Variants in TMEM132D observed in about 807,000 individuals in gnomAD.
The protein encoded by TMEM132D is mature OL transmembrane protein.
A neutral mutation model predicts 62.3 loss-of-function variants in TMEM132D; 21 were observed. That is an observed-to-expected ratio of 0.34 (90% CI 0.24 to 0.49). The LOEUF is 0.49. TMEM132D is among the 20% of genes least tolerant of loss of function. The pLI is 0.99. For synonymous variants in TMEM132D, 621 were observed against 575.6 expected (o/e 1.08, Z -1.13); for missense variants, 1,346 against 1,402.8 (o/e 0.96, Z 0.65).
At chr12:129,089,981 A>G (rs1236911811) in intron 5 of TMEM132D, among the ~76,000 whole-genome samples, 1 of 152,218 alleles carries the variant, frequency 6.6e-6, no homozygotes. Flanking sequence ...TGTGAGGAAA[A>G]GCACAGCAGA....
At chr12:129,817,600 T>C (rs1177346854) in intron 1 of TMEM132D, among the ~76,000 whole-genome samples, 2 of 149,854 alleles carry the variant, frequency 1.3e-5, no homozygotes, top group African/African-American at 4.9e-5. Context: ...ATGGTGTGTG[T>C]GTGTGTGTGT....
At chr12:129,444,300 A>G (rs1267602664) in intron 3 of TMEM132D, among the ~76,000 whole-genome samples, 1 of 152,232 alleles carries the variant, frequency 6.6e-6, no homozygotes, top group Admixed American at 6.5e-5. Context: ...CAACAAAAGA[A>G]ACTACCAGCA....
intron 4 of TMEM132D, among the ~76,000 whole-genome samples, chr12:129,324,845 A>G (rs1260344317): frequency 6.6e-6 from 1 of 152,300 alleles, no homozygotes; most frequent in Non-Finnish European, 1.5e-5. Context: ...AAAGAAAAAA[A>G]GTGATAACTA....
At chr12:129,266,623 CCT>C (rs774900058) in intron 4 of TMEM132D, among the ~76,000 whole-genome samples, 54 of 148,964 alleles carry the variant, frequency 3.6e-4, no homozygotes, top group Non-Finnish European at 7.3e-4. Context: ...TCTCTCCTCT[CCT>C]CTCTCTGTGC....
rs1041986619 is a variant in TMEM132D at position 129,729,992 on chromosome 12, C to T, written c.80-29294G>A. 4.6e-5 allele frequency among the ~76,000 whole-genome samples: 7 copies of T among 152,142 alleles called. 1 individual carries two copies. The highest frequency in any genetic ancestry group is 4.2e-4 in the South Asian group (2 of 4,816). ...CCGCAAAAAATTGCTCCTAACTCCA[C>T]GGCCTATCCCAAACCCTTAAGAACC... On this transcript the variant is annotated intron_variant, in intron 1 of 8. Transcript: ENST00000422113.
chr12:129,400,687 C>A (rs1361222182), intron 3 of TMEM132D, among the ~76,000 whole-genome samples: 1 of 152,122 alleles, frequency 6.6e-6, no homozygotes, highest in East Asian at 1.9e-4. Flanking sequence ...CACCATTTTC[C>A]AATCAGTATG....
At chr12:129,309,827 G>C (rs1245621566) in intron 4 of TMEM132D, among the ~76,000 whole-genome samples, 1 of 151,726 alleles carries the variant, frequency 6.6e-6, no homozygotes, top group Non-Finnish European at 1.5e-5. Flanking sequence ...AATCCTGAGG[G>C]AAAAAAGCAA....
intron 4 of TMEM132D, among the ~76,000 whole-genome samples, chr12:129,217,989 T>C (rs960017194): frequency 1.5e-4 from 23 of 152,084 alleles, no homozygotes; most frequent in Non-Finnish European, 3.1e-4. Context: ...TAGGCAGGCA[T>C]CTCCGGAGCT....
At chr12:129,654,959 C>A (rs1363677496) in intron 2 of TMEM132D, among the ~76,000 whole-genome samples, 1 of 149,204 alleles carries the variant, frequency 6.7e-6, no homozygotes, top group Non-Finnish European at 1.5e-5. Flanking sequence ...TTTTTTTTTT[C>A]CTTTTTGAGA....
intron 5 of TMEM132D, among the ~76,000 whole-genome samples, chr12:129,191,764 AAC>A (rs201162239): frequency 4.0e-5 from 6 of 148,224 alleles, no homozygotes; most frequent in Admixed American, 1.3e-4. Context: ...ACACACACAG[AAC>A]ACACACACAC....
At chr12:129,708,560 A>G (rs666967) in intron 1 of TMEM132D, among the ~76,000 whole-genome samples, 1 of 146,564 alleles carries the variant, frequency 6.8e-6, no homozygotes, top group Non-Finnish European at 1.5e-5. Flanking sequence ...TGTCACAACC[A>G]CAAATGTCTC....
rs538767905 is a variant in TMEM132D at position 129,699,796 on chromosome 12, G to A, written c.968+14C>T. 6.2e-7 allele frequency: 1 copy of A among 1,611,866 alleles called. No individual in the cohort carries two copies. Among genetic ancestry groups the A allele is most frequent in the African/African-American group, 1.3e-5 (1 of 74,960 alleles). On this transcript the variant is annotated intron_variant, in intron 2 of 8. Coordinates refer to ENST00000422113, the MANE Select transcript of TMEM132D (RefSeq NM_133448.3). ...CGACGGGCGGGTACAGACAGACATT[G>A]GGAAACGACTTACCTCAACGTGAAG...
intron 1 of TMEM132D, among the ~76,000 whole-genome samples, chr12:129,833,723 A>G (rs1043773826): frequency 6.6e-6 from 1 of 152,214 alleles, no homozygotes; most frequent in Non-Finnish European, 1.5e-5. Context: ...TGTGAAATTC[A>G]CAGCCCATTG....
intron 2 of TMEM132D, among the ~76,000 whole-genome samples, chr12:129,595,646 C>T (rs1457393219): frequency 6.6e-6 from 1 of 152,238 alleles, no homozygotes; most frequent in South Asian, 2.1e-4. Flanking sequence ...GCATTGCCAT[C>T]TGTGTTCCTG....
chr12:129,228,272 G>C (rs544594541), intron 4 of TMEM132D, among the ~76,000 whole-genome samples: 1 of 152,280 alleles, frequency 6.6e-6, no homozygotes, highest in Non-Finnish European at 1.5e-5. Context: ...CTGGTTTTGC[G>C]TGCTGAAAAT....
intron 4 of TMEM132D, among the ~76,000 whole-genome samples, chr12:129,307,232 G>A (rs1449672465): frequency 2.0e-5 from 3 of 152,004 alleles, no homozygotes; most frequent in East Asian, 1.9e-4. Context: ...AGAGAAACTC[G>A]AGCACCCTAT....
At chr12:129,362,002 A>G (rs893728806) in intron 3 of TMEM132D, among the ~76,000 whole-genome samples, 1 of 151,994 alleles carries the variant, frequency 6.6e-6, no homozygotes. Context: ...TTGTTTACTT[A>G]TTTATTTATT....
intron 1 of TMEM132D, among the ~76,000 whole-genome samples, chr12:129,710,391 G>A (rs1475163971): frequency 6.6e-6 from 1 of 152,148 alleles, no homozygotes; most frequent in East Asian, 1.9e-4. Context: ...CACCTCCCGT[G>A]TTCAAGTGAT....
chr12:129,390,605 A>T lies in TMEM132D; in HGVS notation c.1116-52788T>A, dbSNP rs570619326. Among the ~76,000 whole-genome samples the T allele has an allele frequency of 4.6e-5, 7 of 152,316 alleles. No individual in the cohort carries two copies. The East Asian group carries it at 1.4e-3, about 29-fold the overall frequency. On this transcript the variant is annotated intron_variant, in intron 3 of 8. Coordinates refer to ENST00000422113, the MANE Select transcript of TMEM132D (RefSeq NM_133448.3). ...GTTCAGGGTTATGCTGATTTTGGAT[A>T]TAGAAGGAGCCAGAAGGTCCCCTGG...
Sources: allele counts gnomAD v4.1 joint callset (sites outside exome capture counted in the v4.1 genomes callset), GRCh38; gene constraint gnomAD v4.1.1; transcripts MANE v1.5; gene names NCBI Gene and HGNC (gene_info 2026-07-23, HGNC 2026-07-21).